The following LINGO2 variants were observed in gnomAD, a reference collection of about 807,000 sequenced individuals.
LINGO2 encodes the protein leucine rich repeat and Ig domain containing 2, also known as leucine-rich repeat and immunoglobulin-like domain-containing nogo receptor-interacting protein 2.
In LINGO2, 14 loss-of-function variants were observed where a neutral mutation model predicts 30.6. The ratio of observed to expected loss-of-function variants is 0.46; its 90% CI spans 0.30 to 0.72. The LOEUF is 0.72. Among genes scored for constraint, LINGO2 ranks in the 30% least tolerant of loss-of-function variants. LINGO2 has a pLI of 0.07. For synonymous variants in LINGO2, 317 were observed against 288.5 expected (o/e 1.10, Z -1.00); for missense variants, 729 against 751.7 (o/e 0.97, Z 0.35).
the LINGO2 span, among the ~76,000 whole-genome samples, chr9:29,098,096 T>A: frequency 9.2e-5 from 14 of 152,326 alleles, no homozygotes; most frequent in African/African-American, 3.1e-4. Flanking sequence ...ATACCTAGGA[T>A]CTATATAATT....
intron 5 of LINGO2, among the ~76,000 whole-genome samples, chr9:27,956,693 C>T (rs759096284): frequency 2.0e-5 from 3 of 152,008 alleles, no homozygotes; most frequent in Non-Finnish European, 4.4e-5. Flanking sequence ...CATTCAAGTC[C>T]GTGACCCATT....
chr9:28,222,319 A>AT (rs1820994528), intron 4 of LINGO2, among the ~76,000 whole-genome samples: 1 of 152,122 alleles, frequency 6.6e-6, no homozygotes, highest in Non-Finnish European at 1.5e-5. Context: ...AATAAATGGC[A>AT]TTTTCAGGTA....
At chr9:28,571,253 T>A (rs1422094979) in intron 1 of LINGO2, among the ~76,000 whole-genome samples, 1 of 152,068 alleles carries the variant, frequency 6.6e-6, no homozygotes, top group Admixed American at 6.6e-5. Context: ...AACAGTCAAT[T>A]TCCTAAGAAC....
intron 4 of LINGO2, among the ~76,000 whole-genome samples, chr9:28,079,660 T>C (rs1189473428): frequency 6.6e-6 from 1 of 152,102 alleles, no homozygotes; most frequent in Non-Finnish European, 1.5e-5. Context: ...CTCCTGGAGG[T>C]TGAACTGCCA....
At chr9:28,747,663 G>A in the LINGO2 span, among the ~76,000 whole-genome samples, 41,099 of 151,878 alleles carry the variant, frequency 0.27, 5,998 homozygotes, top group Admixed American at 0.42. Context: ...TGCAGTGGCC[G>A]AACAGAGAGC....
the LINGO2 span, among the ~76,000 whole-genome samples, chr9:29,102,095 T>C: frequency 1.8e-4 from 28 of 152,110 alleles, no homozygotes; most frequent in Non-Finnish European, 2.5e-4. Context: ...TTTTTTTTTT[T>C]TTTCGAGACC....
the LINGO2 span, among the ~76,000 whole-genome samples, chr9:29,110,549 A>G: frequency 1.9e-3 from 293 of 151,194 alleles, 1 homozygote; most frequent in Admixed American, 5.1e-3. Flanking sequence ...AGCCAGGATG[A>G]TCTTGATCTC....
intron 3 of LINGO2, among the ~76,000 whole-genome samples, chr9:28,316,738 C>G (rs903654390): frequency 6.6e-6 from 1 of 152,036 alleles, no homozygotes; most frequent in South Asian, 2.1e-4. Context: ...TACACACAAA[C>G]TAAGTATATA....
At chr9:28,604,126 C>A (rs1482539356) in intron 1 of LINGO2, among the ~76,000 whole-genome samples, 1 of 151,886 alleles carries the variant, frequency 6.6e-6, no homozygotes, top group African/African-American at 2.4e-5. Flanking sequence ...GCAGGACAGA[C>A]CATTTAACAA....
chr9:29,049,276 T>G, the LINGO2 span, among the ~76,000 whole-genome samples: 1 of 152,136 alleles, frequency 6.6e-6, no homozygotes, highest in African/African-American at 2.4e-5. Flanking sequence ...TATTATATCA[T>G]CCCAGTTAAA....
chr9:28,155,264 G>A (rs1279039110), intron 4 of LINGO2, among the ~76,000 whole-genome samples: 2 of 152,206 alleles, frequency 1.3e-5, no homozygotes, highest in Non-Finnish European at 2.9e-5. Flanking sequence ...TAGAAGTCAT[G>A]GCAAACAAGG....
chr9:28,111,446 C>T (rs937798955), intron 4 of LINGO2, among the ~76,000 whole-genome samples: 6 of 151,796 alleles, frequency 4.0e-5, no homozygotes, highest in East Asian at 1.9e-4. Flanking sequence ...TGACATCATG[C>T]GTTCCTCCTA....
chr9:28,876,360 A>T, the LINGO2 span, among the ~76,000 whole-genome samples: 1 of 151,790 alleles, frequency 6.6e-6, no homozygotes, highest in African/African-American at 2.4e-5. Context: ...TTAACTCCTC[A>T]TTTAGCATTA....
chr9:28,770,082 T>C, the LINGO2 span, among the ~76,000 whole-genome samples: 1 of 152,130 alleles, frequency 6.6e-6, no homozygotes, highest in African/African-American at 2.4e-5. Context: ...ACTTCATTTT[T>C]TCGGTCCAGT....
chr9:28,542,941 G>A (rs899976041), intron 1 of LINGO2, among the ~76,000 whole-genome samples: 2 of 152,068 alleles, frequency 1.3e-5, no homozygotes, highest in African/African-American at 2.4e-5. Flanking sequence ...GGAATGGGCA[G>A]AAAGGAGCAG....
intron 3 of LINGO2, among the ~76,000 whole-genome samples, chr9:28,315,897 A>C (rs1023652916): frequency 6.6e-6 from 1 of 152,160 alleles, no homozygotes; most frequent in Non-Finnish European, 1.5e-5. Flanking sequence ...TGAATATGCA[A>C]ATTAGTTTTT....
At chr9:28,759,278 G>A in the LINGO2 span, among the ~76,000 whole-genome samples, 1 of 152,040 alleles carries the variant, frequency 6.6e-6, no homozygotes, top group South Asian at 2.1e-4. Context: ...GAGACATTTT[G>A]AATACAATAA....
At chr9:28,285,596 G>A (rs539995656) in intron 4 of LINGO2, among the ~76,000 whole-genome samples, 3 of 151,688 alleles carry the variant, frequency 2.0e-5, no homozygotes, top group Non-Finnish European at 4.4e-5. Flanking sequence ...TAGTAGAGAC[G>A]GGGTTTCACC....
chr9:28,226,839 T>C (rs1052157967), intron 4 of LINGO2, among the ~76,000 whole-genome samples: 9 of 152,118 alleles, frequency 5.9e-5, no homozygotes, highest in Admixed American at 3.3e-4. Flanking sequence ...GGAGTGTAGT[T>C]AGTTAATCAA....
Sources: allele counts gnomAD v4.1 joint callset (sites outside exome capture counted in the v4.1 genomes callset), GRCh38; gene constraint gnomAD v4.1.1; transcripts MANE v1.5; gene names NCBI Gene and HGNC (gene_info 2026-07-23, HGNC 2026-07-21).